Variants in ROBO1 observed in about 807,000 individuals in gnomAD.
ROBO1 encodes the protein roundabout guidance receptor 1, also known as roundabout homolog 1.
ROBO1 carries 149 observed loss-of-function variants against 195.9 expected under a neutral mutation model. The observed-to-expected ratio is 0.76, with a 90% CI of 0.67 to 0.87. The LOEUF is 0.87. Among genes scored for constraint, ROBO1 ranks in the 40% least tolerant of loss-of-function variants. ROBO1 has a pLI of 0.00. For missense variants in ROBO1, 1,933 were observed against 2,068.3 expected, an observed-to-expected ratio of 0.93 and a Z score of 1.27; for synonymous variants, 816 against 733.2, an observed-to-expected ratio of 1.11 and a Z score of -1.82.
intron 14 of ROBO1, among the ~76,000 whole-genome samples, chr3:78,662,349 CA>C: frequency 6.6e-6 from 1 of 151,772 alleles, no homozygotes; most frequent in Middle Eastern, 3.4e-3. Flanking sequence ...TATAGAAAGG[CA>C]AAAAGAGCAG....
chr3:78,761,523 T>C (rs955957816), intron 4 of ROBO1, among the ~76,000 whole-genome samples: 2 of 152,230 alleles, frequency 1.3e-5, no homozygotes, highest in Admixed American at 6.5e-5. Context: ...AAGTCATTAA[T>C]ATAATCTCTG....
intron 1 of ROBO1, among the ~76,000 whole-genome samples, chr3:79,679,314 T>C (rs1451988409): frequency 6.6e-6 from 1 of 152,006 alleles, no homozygotes; most frequent in Non-Finnish European, 1.5e-5. Context: ...CCTCATTTCT[T>C]TATGATTTTA....
intron 4 of ROBO1, among the ~76,000 whole-genome samples, chr3:78,773,377 T>C (rs973792944): frequency 2.0e-5 from 3 of 152,052 alleles, no homozygotes; most frequent in Non-Finnish European, 4.4e-5. Context: ...TCAAATTGAG[T>C]TCTTTAAAAG....
At chr3:79,317,585 A>G (rs958874269) in intron 2 of ROBO1, among the ~76,000 whole-genome samples, 10 of 152,184 alleles carry the variant, frequency 6.6e-5, no homozygotes, top group African/African-American at 2.4e-4. Context: ...TACTCATGTT[A>G]TAAACAAATC....
At chr3:79,349,758 C>T (rs184399260) in intron 2 of ROBO1, among the ~76,000 whole-genome samples, 1 of 152,224 alleles carries the variant, frequency 6.6e-6, no homozygotes, top group Non-Finnish European at 1.5e-5. Flanking sequence ...AACTGGATAT[C>T]CACATGCAAA....
intron 4 of ROBO1, among the ~76,000 whole-genome samples, chr3:78,787,773 G>A (rs2083881163): frequency 6.6e-6 from 1 of 151,860 alleles, no homozygotes; most frequent in Admixed American, 6.6e-5. Context: ...AACAAAATGA[G>A]ACCCCGTCTC....
In ROBO1 at chr3:79,389,476, G is replaced by T. The variant is rs554074097; in HGVS notation, c.88+200348C>A. On this transcript the variant is annotated intron_variant, in intron 2 of 30. Transcript: ENST00000464233. Reference sequence around the variant, plus strand: ...TATGGGAAAGGGACCTACAAATATGGAATTGAGGAAAGAGGAAATAGAAAA... The same window carrying T: ...TATGGGAAAGGGACCTACAAATATGTAATTGAGGAAAGAGGAAATAGAAAA... 2.6e-4 allele frequency among the ~76,000 whole-genome samples: 39 copies of T among 152,206 alleles called. No homozygotes were observed. In the South Asian group the frequency reaches 7.3e-3, roughly 28 times the overall value.
intron 2 of ROBO1, among the ~76,000 whole-genome samples, chr3:79,180,864 G>A (rs1320913558): frequency 2.0e-5 from 3 of 152,150 alleles, no homozygotes; most frequent in East Asian, 1.9e-4. Context: ...GGGGGTGGGA[G>A]TGGATGAGGA....
intron 1 of ROBO1, among the ~76,000 whole-genome samples, chr3:79,674,446 T>A (rs1036516371): frequency 5.3e-5 from 8 of 151,940 alleles, no homozygotes; most frequent in Non-Finnish European, 1.0e-4. Flanking sequence ...ATATGTTTGT[T>A]GCAAAAATTT....
chr3:78,665,173 T>G (rs1042974313), intron 14 of ROBO1, among the ~76,000 whole-genome samples: 1 of 152,190 alleles, frequency 6.6e-6, no homozygotes, highest in African/African-American at 2.4e-5. Context: ...TCTGAAAATG[T>G]AGTCTCCAGA....
chr3:79,283,764 C>T (rs1053434856), intron 2 of ROBO1, among the ~76,000 whole-genome samples: 2 of 149,644 alleles, frequency 1.3e-5, no homozygotes, highest in Non-Finnish European at 3.0e-5. Flanking sequence ...GTGGCGCGAT[C>T]TCCGCTCACT....
rs551572944 is a variant in ROBO1, at chr3:78,645,273, G to T, written c.2882+875C>A. On this transcript the variant is annotated intron_variant, in intron 21 of 30. Coordinates refer to ENST00000464233, the MANE Select transcript of ROBO1 (RefSeq NM_002941.4). Reference sequence around the variant, plus strand: ...AATTCAGTAATTTTCTTATCCGGTGGTATGTTCCTTGAATTTAGGAATAAT... The same window carrying T: ...AATTCAGTAATTTTCTTATCCGGTGTTATGTTCCTTGAATTTAGGAATAAT... Among the ~76,000 whole-genome samples the T allele has an allele frequency of 7.4e-4, 113 of 152,026 alleles. 1 individual carries two copies. Among genetic ancestry groups the T allele is most frequent in the Admixed American group, 1.1e-3 (16 of 15,230 alleles).
intron 3 of ROBO1, among the ~76,000 whole-genome samples, chr3:79,044,108 T>C (rs1418363048): frequency 7.2e-6 from 1 of 139,696 alleles, no homozygotes; most frequent in Non-Finnish European, 1.5e-5. Context: ...ACACTAACAG[T>C]AATGATAGTT....
rs187850300 is a variant in ROBO1, at chr3:78,998,893, T to G, written c.173-59966A>C. 3.0e-4 allele frequency among the ~76,000 whole-genome samples: 45 copies of G among 152,182 alleles called. 1 individual carries two copies. The highest frequency in any genetic ancestry group is 1.5e-3 in the South Asian group (7 of 4,824). ...TTTAATGGTTTCCTTTGCCACATAG[T>G]TAAAGGCAGTCTACTTAACACAGAA... On this transcript the variant is annotated intron_variant, in intron 3 of 30. Coordinates refer to ENST00000464233, the MANE Select transcript of ROBO1 (RefSeq NM_002941.4).
chr3:79,609,592 A>C (rs1241763526), intron 1 of ROBO1, among the ~76,000 whole-genome samples: 2 of 151,936 alleles, frequency 1.3e-5, no homozygotes, highest in Non-Finnish European at 1.5e-5. Flanking sequence ...TCAAAAGGGG[A>C]AATTTACCCA....
chr3:79,092,881 T>C (rs559690084), intron 3 of ROBO1, among the ~76,000 whole-genome samples: 81 of 152,210 alleles, frequency 5.3e-4, no homozygotes, highest in Admixed American at 9.8e-4. Flanking sequence ...TAATCAGTAA[T>C]TATCATTATT....
intron 3 of ROBO1, among the ~76,000 whole-genome samples, chr3:78,963,089 T>TTATATATATA (rs1560055496): frequency 2.2e-5 from 3 of 137,390 alleles, no homozygotes; most frequent in African/African-American, 6.0e-5. Context: ...ATCTCATACT[T>TTATATATATA]GATATATATA....
chr3:79,413,300 G>T (rs544558836), intron 2 of ROBO1, among the ~76,000 whole-genome samples: 4 of 152,182 alleles, frequency 2.6e-5, no homozygotes, highest in Middle Eastern at 3.4e-3. Context: ...AACCAAATAG[G>T]TAGAATAAAT....
chr3:78,930,603 A>G (rs2039464528), intron 4 of ROBO1, among the ~76,000 whole-genome samples: 1 of 152,224 alleles, frequency 6.6e-6, no homozygotes, highest in Non-Finnish European at 1.5e-5. Context: ...ATTTGCAGTC[A>G]TAGGCTTGAC....
Sources: gnomAD v4.1 joint callset for allele counts (sites outside exome capture counted in the v4.1 genomes callset) on GRCh38, gnomAD v4.1.1 for gene constraint, MANE v1.5 for transcripts, NCBI Gene and HGNC (gene_info 2026-07-23, HGNC 2026-07-21) for gene names.